The following USP53 variants were observed in gnomAD, a reference collection of about 807,000 sequenced individuals.
USP53 encodes the protein ubiquitin carboxyl-terminal hydrolase 53.
A neutral mutation model predicts 94.9 loss-of-function variants in USP53; 71 were observed. The observed-to-expected ratio is 0.75, with a 90% CI of 0.62 to 0.91. The LOEUF is 0.91. Among genes scored for constraint, USP53 ranks in the 40% least tolerant of loss-of-function variants. USP53 has a pLI of 0.00. For missense variants in USP53, 1,173 were observed against 1,281.0 expected, an observed-to-expected ratio of 0.92 and a Z score of 1.29; for synonymous variants, 375 against 422.7, an observed-to-expected ratio of 0.89 and a Z score of 1.39.
Position 119,239,717 on chromosome 4 carries a change from A to G in USP53, c.-43A>G. On this transcript the variant is annotated 5_prime_UTR_variant, in exon 5 of 19. Transcript: ENST00000692078. Reference sequence around the variant, plus strand: ...TTTATTGTCCAAAATATTACATAAAAGTGTACAGTTTTTAGCCTAAATGCA... The same window carrying G: ...TTTATTGTCCAAAATATTACATAAAGGTGTACAGTTTTTAGCCTAAATGCA... 1 of 1,570,556 alleles carries G rather than the reference A, an allele frequency of 6.4e-7. No individual in the cohort carries two copies. Among genetic ancestry groups the G allele is most frequent in the South Asian group, 1.2e-5 (1 of 83,574 alleles).
chr4:119,261,208 G>A (rs1750478342), intron 11 of USP53, among the ~76,000 whole-genome samples: 1 of 152,044 alleles, frequency 6.6e-6, no homozygotes, highest in Non-Finnish European at 1.5e-5. Context: ...AGATCCACCT[G>A]CCTTGGCTTC....
At chr4:119,256,398 G>A (rs201285542) in intron 8 of USP53, 39 bp downstream of exon 8, 147 of 1,613,418 alleles carry the variant, frequency 9.1e-5, no homozygotes, top group Non-Finnish European at 1.2e-4. Flanking sequence ...TTGTAGTTCT[G>A]TTTTATGATT....
At chr4:119,262,983 G>T (rs1257391613) in intron 12 of USP53, among the ~76,000 whole-genome samples, 1 of 152,100 alleles carries the variant, frequency 6.6e-6, no homozygotes, top group East Asian at 1.9e-4. Flanking sequence ...ACTGGCTTTG[G>T]CAATCTTTAT....
intron 3 of USP53, among the ~76,000 whole-genome samples, chr4:119,229,561 C>T (rs1166874625): frequency 1.3e-5 from 2 of 152,162 alleles, no homozygotes; most frequent in Non-Finnish European, 2.9e-5. Flanking sequence ...AGTCCTACTA[C>T]CATTCACTCT....
At chr4:119,232,379 A>T (rs1219871093) in intron 3 of USP53, among the ~76,000 whole-genome samples, 2 of 152,208 alleles carry the variant, frequency 1.3e-5, no homozygotes, top group African/African-American at 4.8e-5. Flanking sequence ...ATATGAATGG[A>T]ATCATGTAAT....
intron 7 of USP53, among the ~76,000 whole-genome samples, chr4:119,251,336 G>C (rs1405961411): frequency 6.6e-6 from 1 of 152,062 alleles, no homozygotes; most frequent in African/African-American, 2.4e-5. Flanking sequence ...CCACGTCTTT[G>C]CTATTGTGAA....
intron 7 of USP53, among the ~76,000 whole-genome samples, chr4:119,249,886 G>A (rs1486434014): frequency 6.6e-6 from 1 of 151,856 alleles, no homozygotes; most frequent in South Asian, 2.1e-4. Flanking sequence ...GGATGGTCTC[G>A]ATCTCCTGAC....
At chr4:119,237,255 C>A (rs6815725) in intron 4 of USP53, among the ~76,000 whole-genome samples, 43,951 of 152,000 alleles carry the variant, frequency 0.29, 6,504 homozygotes, top group East Asian at 0.38. Flanking sequence ...AGAATACAGT[C>A]AGTCTAGATT....
chr4:119,234,725 G>C (rs1455258909), intron 3 of USP53, among the ~76,000 whole-genome samples: 1 of 152,220 alleles, frequency 6.6e-6, no homozygotes, highest in African/African-American at 2.4e-5. Context: ...CACTTTAGAA[G>C]AGGTTATAAA....
At chr4:119,270,792 C>T (rs560152611) in intron 15 of USP53, among the ~76,000 whole-genome samples, 4 of 152,176 alleles carry the variant, frequency 2.6e-5, no homozygotes, top group African/African-American at 9.6e-5. Context: ...ACGTTTTTGC[C>T]TAGAGCCATA....
chr4:119,271,995 T>G lies in USP53; in HGVS notation c.2135T>G (p.Val712Gly). 6.2e-7 allele frequency: 1 copy of G among 1,609,214 alleles called. No homozygotes were observed. Among genetic ancestry groups the G allele is most frequent in the Non-Finnish European group, 8.5e-7 (1 of 1,178,640 alleles). The change falls in exon 16 of 19, where the codon GTA (valine) becomes GGA (glycine). Residue 712 changes from valine to glycine, a missense_variant. By Grantham distance (109) the Val-to-Gly change is moderately radical. Coordinates refer to ENST00000692078, the MANE Select transcript of USP53 (RefSeq NM_001371395.1). ...CCTGTTATCGATGGAAATGGTACAG[T>G]AATGGATATCAGTGGTGTTAAAGAA... is the stretch of plus-strand genomic sequence containing the variant. Reference protein sequence around the residue: ...DSPVIDGNGTVMDISGVKETV... With the variant: ...DSPVIDGNGTGMDISGVKETV...
chr4:119,252,098 G>A (rs772745019), intron 7 of USP53, among the ~76,000 whole-genome samples: 52 of 152,282 alleles, frequency 3.4e-4, no homozygotes, highest in Non-Finnish European at 5.9e-4. Flanking sequence ...TGATCATGGC[G>A]GATAAGCTTT....
chr4:119,278,733 T>C (rs1753026697), intron 17 of USP53, among the ~76,000 whole-genome samples: 1 of 67,216 alleles, frequency 1.5e-5, no homozygotes, highest in Non-Finnish European at 4.0e-5. Context: ...CACTTTCAGG[T>C]ACACCAATTA....
At chr4:119,268,164 A>G (rs1490224858) in intron 13 of USP53, 104 bp from the exon 14 acceptor site, 1 of 1,129,494 alleles carries the variant, frequency 8.9e-7, no homozygotes, top group Non-Finnish European at 1.2e-6. Context: ...ACAGAGCGAG[A>G]CTCCGTCTCA....
intron 9 of USP53, 61 bp downstream of exon 9, chr4:119,256,584 C>T: frequency 6.6e-7 from 1 of 1,525,870 alleles, no homozygotes; most frequent in Non-Finnish European, 9.1e-7. Flanking sequence ...GCACATTGAG[C>T]ACTTATTTTA....
intron 17 of USP53, 22 bp from the exon 18 acceptor site, chr4:119,291,143 T>TGC: frequency 5.5e-5 from 41 of 747,502 alleles, no homozygotes; most frequent in Non-Finnish European, 6.8e-5. Flanking sequence ...TCATCTCTTC[T>TGC]CCCCACCCCA....
intron 17 of USP53, among the ~76,000 whole-genome samples, chr4:119,282,976 A>G (rs1180020412): frequency 6.6e-6 from 1 of 152,022 alleles, no homozygotes; most frequent in Non-Finnish European, 1.5e-5. Context: ...AGTCTATGCA[A>G]GTATATTTAA....
rs150810560 is a variant in USP53, at chr4:119,265,836, G to A, written c.973-1484G>A. On this transcript the variant is annotated intron_variant, in intron 12 of 18. Coordinates refer to ENST00000692078, the MANE Select transcript of USP53 (RefSeq NM_001371395.1). ...CAAAAATATTCTAGAATGCTTTGTG[G>A]TGTTTTTGTTTGGTTGGTTTTGTTT... Among the ~76,000 whole-genome samples, 1,252 of 152,220 alleles carry A rather than the reference G, an allele frequency of 8.2e-3. 15 individuals carry two copies. Among genetic ancestry groups the A allele is most frequent in the African/African-American group, 0.029 (1,195 of 41,528 alleles).
intron 3 of USP53, among the ~76,000 whole-genome samples, chr4:119,224,532 G>C (rs554100751): frequency 2.9e-4 from 44 of 152,314 alleles, no homozygotes; most frequent in Non-Finnish European, 5.4e-4. Flanking sequence ...TAGGGAGGGA[G>C]GTTAGTTCTA....
Sources: gnomAD v4.1 joint callset for allele counts (sites outside exome capture counted in the v4.1 genomes callset) on GRCh38, gnomAD v4.1.1 for gene constraint, MANE v1.5 for transcripts, NCBI Gene and HGNC (gene_info 2026-07-23, HGNC 2026-07-21) for gene names.